Variants in STAU2 observed in about 807,000 individuals in gnomAD.
STAU2 encodes the protein double-stranded RNA-binding protein Staufen homolog 2.
In STAU2, 20 loss-of-function variants were observed where a neutral mutation model predicts 65.9. That is an observed-to-expected ratio of 0.30 (90% confidence interval 0.21 to 0.44). STAU2 has a LOEUF of 0.44. STAU2 is among the 20% of genes least tolerant of loss of function. STAU2 has a pLI of 1.00. For synonymous variants in STAU2, 232 were observed against 233.9 expected (o/e 0.99, Z 0.07); for missense variants, 558 against 683.9 (o/e 0.82, Z 2.05).
chr8:73,580,250 AAT>A (rs1200686904), intron 12 of STAU2, among the ~76,000 whole-genome samples: 2 of 152,256 alleles, frequency 1.3e-5, no homozygotes, highest in African/African-American at 4.8e-5. Flanking sequence ...TTCACAAAGT[AAT>A]ATGTTACCTT....
chr8:73,650,766 T>C (rs1815798789), intron 6 of STAU2, among the ~76,000 whole-genome samples: 1 of 152,136 alleles, frequency 6.6e-6, no homozygotes, highest in Admixed American at 6.6e-5. Flanking sequence ...TTTTTTTCCA[T>C]CAAATTAGTG....
At chr8:73,475,051 G>A (rs1293232283) in intron 13 of STAU2, among the ~76,000 whole-genome samples, 1 of 152,140 alleles carries the variant, frequency 6.6e-6, no homozygotes, top group East Asian at 1.9e-4. Flanking sequence ...CTTACGCAAA[G>A]TACAAAAACA....
chr8:73,669,146 T>C (rs1382249808), intron 6 of STAU2: 1 of 701,162 alleles, frequency 1.4e-6, no homozygotes, highest in South Asian at 1.5e-5. Flanking sequence ...ATCATGGTTG[T>C]AACAGCCTAC....
At chr8:73,663,093 G>A (rs1816957026) in intron 6 of STAU2, among the ~76,000 whole-genome samples, 2 of 152,046 alleles carry the variant, frequency 1.3e-5, no homozygotes, top group Admixed American at 1.3e-4. Flanking sequence ...CTTCTGTAAA[G>A]GGCCCAATAT....
At chr8:73,549,932 C>G in intron 13 of STAU2, 1 of 985,720 alleles carries the variant, frequency 1.0e-6, no homozygotes, top group Middle Eastern at 5.2e-4. Context: ...GTTTTTCTAC[C>G]AGGTAAATAT....
At chr8:73,666,364 A>G (rs1817242904) in intron 6 of STAU2, among the ~76,000 whole-genome samples, 1 of 152,210 alleles carries the variant, frequency 6.6e-6, no homozygotes, top group Non-Finnish European at 1.5e-5. Context: ...AATCAAGTCA[A>G]TTTGGATGTT....
At chr8:73,667,839 T>C (rs567739705) in intron 6 of STAU2, among the ~76,000 whole-genome samples, 5 of 152,360 alleles carry the variant, frequency 3.3e-5, no homozygotes, top group Admixed American at 2.0e-4. Context: ...AGGAAATTAA[T>C]GGAGGTCCAG....
At chr8:73,455,824 C>T (rs1326669287) in intron 13 of STAU2, among the ~76,000 whole-genome samples, 3 of 152,086 alleles carry the variant, frequency 2.0e-5, no homozygotes, top group Non-Finnish European at 2.9e-5. Flanking sequence ...ACCACCTGGC[C>T]GTGGTCAAGG....
At chr8:73,457,914 G>T (rs942627707) in intron 13 of STAU2, among the ~76,000 whole-genome samples, 20 of 152,194 alleles carry the variant, frequency 1.3e-4, no homozygotes, top group Non-Finnish European at 2.9e-4. Context: ...GAGGTGAATG[G>T]GGTCTCAGGA....
chr8:73,711,131 C>CAAAAAA (rs751087630), intron 3 of STAU2, among the ~76,000 whole-genome samples: 2 of 31,104 alleles, frequency 6.4e-5, no homozygotes, highest in African/African-American at 1.9e-4. Flanking sequence ...AAGTGGCTTG[C>CAAAAAA]AAAAAAAAAA....
chr8:73,636,265 T>C (rs1380819629), intron 6 of STAU2, among the ~76,000 whole-genome samples: 2 of 152,184 alleles, frequency 1.3e-5, no homozygotes, highest in Admixed American at 1.3e-4. Context: ...TAGTCCTAGC[T>C]ACTCAGGAGG....
At chr8:73,522,180 A>C (rs569816191) in intron 13 of STAU2, among the ~76,000 whole-genome samples, 1 of 152,324 alleles carries the variant, frequency 6.6e-6, no homozygotes, top group East Asian at 1.9e-4. Flanking sequence ...AAGGAAACAA[A>C]GATAGGGAAG....
chr8:73,532,234 C>A (rs1376596982), intron 13 of STAU2, among the ~76,000 whole-genome samples: 1 of 150,822 alleles, frequency 6.6e-6, no homozygotes, highest in Non-Finnish European at 1.5e-5. Flanking sequence ...TGACAGATAG[C>A]AGTCCCTGAA....
At chr8:73,745,392 T>C (rs1242543718) in intron 1 of STAU2, among the ~76,000 whole-genome samples, 1 of 152,218 alleles carries the variant, frequency 6.6e-6, no homozygotes, top group Admixed American at 6.5e-5. Context: ...ACTTGAATCA[T>C]CTAAAGAAAG....
intron 6 of STAU2, among the ~76,000 whole-genome samples, chr8:73,630,421 AG>A (rs1315562093): frequency 6.6e-6 from 1 of 152,276 alleles, no homozygotes; most frequent in Admixed American, 6.5e-5. Flanking sequence ...TACCACACAT[AG>A]GAAGAGGCTG....
chr8:73,730,351 T>C (rs71500506), intron 3 of STAU2, among the ~76,000 whole-genome samples: 1 of 152,032 alleles, frequency 6.6e-6, no homozygotes, highest in Admixed American at 6.6e-5. Context: ...ATACATAGCA[T>C]GATTTCAATC....
intron 13 of STAU2, among the ~76,000 whole-genome samples, chr8:73,470,909 G>A (rs1317805692): frequency 6.6e-6 from 1 of 152,074 alleles, no homozygotes; most frequent in East Asian, 1.9e-4. Context: ...ATAACACATA[G>A]GCATGTTTCC....
At position 73,576,450 on chromosome 8, in the gene STAU2, T is replaced by C. The variant is rs566522416; in HGVS notation, c.1222+6320A>G. 8.5e-5 allele frequency among the ~76,000 whole-genome samples: 13 copies of C among 152,176 alleles called. 1 individual carries two copies. The highest frequency in any genetic ancestry group is 2.9e-4 in the African/African-American group (12 of 41,510). On this transcript the variant is annotated intron_variant, in intron 12 of 14. Transcript: ENST00000524300. ...TTAAATAAGTACTGATAAGGACTCA[T>C]TTATTTGATGAAATTATGAGGAATA...
At chr8:73,701,442 A>G (rs1235895658) in intron 4 of STAU2, among the ~76,000 whole-genome samples, 2 of 152,028 alleles carry the variant, frequency 1.3e-5, no homozygotes, top group African/African-American at 4.8e-5. Flanking sequence ...AAAAAATCTA[A>G]TAATCCAATT....
Sources: gnomAD v4.1 joint callset for allele counts (sites outside exome capture counted in the v4.1 genomes callset) on GRCh38, gnomAD v4.1.1 for gene constraint, MANE v1.5 for transcripts, NCBI Gene and HGNC (gene_info 2026-07-23, HGNC 2026-07-21) for gene names.